The following PCDHA4 variants were observed in gnomAD, a reference collection of about 807,000 sequenced individuals.
PCDHA4 encodes protocadherin alpha 4, also known as protocadherin alpha-4.
In PCDHA4, 49 loss-of-function variants were observed where a neutral mutation model predicts 61.4. The ratio of observed to expected loss-of-function variants is 0.80; its 90% confidence interval spans 0.63 to 1.01. The LOEUF (loss-of-function observed/expected upper bound fraction) is 1.01, where lower values mean the gene tolerates loss of function less well. Ranked by LOEUF, PCDHA4 falls within the 50% of genes least tolerant of loss-of-function variation. The pLI is 0.00. For missense variants in PCDHA4, 1,254 were observed against 1,235.8 expected, an observed-to-expected ratio of 1.01 and a Z score of -0.22; for synonymous variants, 590 against 550.3, an observed-to-expected ratio of 1.07 and a Z score of -1.01.
chr5:140,809,198 GA>G lies in PCDHA4; in HGVS notation c.2012del (p.Glu671GlyfsTer30). ...ATATVLVSLV[E>X]SGQAPKASSR... ...GGCCACTGTGCTGGTGTCACTTGTG[GA>G]GAGTGGACAGGCGCCAAAGGCCTCC... On this transcript the variant is annotated frameshift_variant, in exon 1 of 4. Coordinates refer to ENST00000530339, the MANE Select transcript of PCDHA4 (RefSeq NM_018907.4). LOFTEE classifies it high-confidence loss of function. The G allele has an allele frequency of 6.2e-7, 1 of 1,614,074 alleles. No individual in the cohort carries two copies. Among genetic ancestry groups the G allele is most frequent in the Non-Finnish European group, 8.5e-7 (1 of 1,179,956 alleles).
In PCDHA4 at chr5:140,807,616, G is replaced by C. The variant is rs113425597; in HGVS notation, c.429G>C (p.Ala143=). The change falls in exon 1 of 4, where the codon GCG becomes GCC. Residue 143 remains alanine, a synonymous_variant. Coordinates refer to ENST00000530339, the MANE Select transcript of PCDHA4 (RefSeq NM_018907.4). ...CAACACAAAAGAACCTGTCCATCGC[G>C]GAATCCAGGCCGCTTGACTCTCGGT... The part of the protein sequence containing the change: ...FPATQKNLSI[A]ESRPLDSRFP... 3.0e-3 allele frequency: 4,880 copies of C among 1,614,130 alleles called. 118 individuals carry two copies. The African/African-American group carries it at 0.055, about 18-fold the overall frequency.
At chr5:140,850,240 T>A (rs2041453726) in intron 1 of PCDHA4, 1 of 1,593,332 alleles carries the variant, frequency 6.3e-7, no homozygotes, top group Non-Finnish European at 8.6e-7. Context: ...GAGATGGTGC[T>A]GCGGTCGGTG....
At position 140,947,028 on chromosome 5, in the gene PCDHA4, T is replaced by C. The variant is rs111523441; in HGVS notation, c.2386-31921T>C. Among the ~76,000 whole-genome samples the C allele has an allele frequency of 4.6e-3, 693 of 151,852 alleles. 1 individual carries two copies. Among genetic ancestry groups the C allele is most frequent in the Middle Eastern group, 6.8e-3 (2 of 294 alleles). ...AATGATAAATGTTTGAGGTAATGGA[T>C]ATACTAATTACCCTGATTTGATCAT... On this transcript the variant is annotated intron_variant, in intron 1 of 3. Transcript: ENST00000530339.
intron 1 of PCDHA4, chr5:140,854,282 G>C: frequency 1.9e-6 from 1 of 533,858 alleles, no homozygotes; most frequent in Non-Finnish European, 2.4e-6. Context: ...ATTGAGTTTA[G>C]TTTTTATTAT....
intron 1 of PCDHA4, among the ~76,000 whole-genome samples, chr5:140,935,971 C>A (rs1563151362): frequency 6.7e-6 from 1 of 149,774 alleles, no homozygotes; most frequent in African/African-American, 2.5e-5. Context: ...TGGCTCACTG[C>A]AATCTCTGCC....
At position 140,983,424 on chromosome 5, in the gene PCDHA4, A is replaced by G. The variant is rs115903969; in HGVS notation, c.2533+861A>G. On this transcript the variant is annotated intron_variant, in intron 3 of 3. Transcript: ENST00000530339. ...GGAAGATTAAGTGTTGGTAGAGACC[A>G]CAAATTGTGTCTACTCTAATCCTCT... Among the ~76,000 whole-genome samples, 1,234 of 152,366 alleles carry G rather than the reference A, an allele frequency of 8.1e-3. 22 individuals are homozygous for G. Among genetic ancestry groups the G allele is most frequent in the African/African-American group, 0.028 (1,160 of 41,578 alleles).
intron 1 of PCDHA4, chr5:140,883,167 G>A (rs781855278): frequency 6.2e-7 from 1 of 1,613,864 alleles, no homozygotes; most frequent in East Asian, 2.2e-5. Context: ...CCGAACAATG[G>A]AGAAATTAGG....
intron 3 of PCDHA4, among the ~76,000 whole-genome samples, chr5:141,007,375 A>G (rs2098319986): frequency 6.8e-6 from 1 of 146,418 alleles, no homozygotes; most frequent in Non-Finnish European, 1.5e-5. Context: ...ACATGATGGA[A>G]CACCATCTCT....
intron 3 of PCDHA4, among the ~76,000 whole-genome samples, chr5:140,983,987 C>T (rs1372272659): frequency 6.6e-6 from 1 of 152,126 alleles, no homozygotes; most frequent in East Asian, 1.9e-4. Context: ...CGAGTTGAAG[C>T]AATTCATTAG....
Position 140,929,423 on chromosome 5 carries a change from C to T in PCDHA4, c.2386-49526C>T, listed in dbSNP as rs1435902323. 4.7e-6 allele frequency: 7 copies of T among 1,499,372 alleles called. No homozygotes were observed. In the Admixed American group the frequency reaches 7.1e-5, roughly 15 times the overall value. The allele number at this position is 1,499,372 out of a possible 1,614,324, so 92.9% of individuals were successfully genotyped here. A position where few individuals can be genotyped will look rare whatever the true frequency, so the allele number is the denominator to read the frequency against. The stretch of plus-strand genomic sequence containing the variant: ...AGACAAGCCTTTCACAACATTTCAT[C>T]AATTGAACTAAACACTCCTTCTTAG... On this transcript the variant is annotated intron_variant, in intron 1 of 3. Transcript: ENST00000530339.
At chr5:140,829,199 G>C (rs1416881170) in intron 1 of PCDHA4, 1 of 1,614,038 alleles carries the variant, frequency 6.2e-7, no homozygotes, top group East Asian at 2.2e-5. Context: ...TACTGTCATC[G>C]CCCTAATTAG....
chr5:140,961,920 G>A (rs2095643236), intron 1 of PCDHA4, among the ~76,000 whole-genome samples: 1 of 147,904 alleles, frequency 6.8e-6, no homozygotes, highest in South Asian at 2.1e-4. Context: ...GTCTCGCTCT[G>A]TTGCCCAGGC....
intron 1 of PCDHA4, chr5:140,863,519 A>G (rs1309854310): frequency 7.5e-6 from 3 of 400,164 alleles, no homozygotes; most frequent in Non-Finnish European, 1.5e-5. Context: ...GTGTTCTCCC[A>G]TGGTTCAGAT....
intron 3 of PCDHA4, among the ~76,000 whole-genome samples, chr5:140,990,589 C>G (rs1208213426): frequency 6.6e-6 from 1 of 152,196 alleles, no homozygotes; most frequent in African/African-American, 2.4e-5. Flanking sequence ...TTCCTATAAT[C>G]ACCTGGAGTC....
intron 1 of PCDHA4, among the ~76,000 whole-genome samples, chr5:140,901,201 G>A (rs2068505084): frequency 6.6e-6 from 1 of 152,038 alleles, no homozygotes; most frequent in Admixed American, 6.6e-5. Context: ...CTGTGCAGAA[G>A]GTTTTTAAGT....
Position 140,844,332 on chromosome 5 carries a change from G to C in PCDHA4, c.2385+34760G>C, listed in dbSNP as rs2150370679. On this transcript the variant is annotated intron_variant, in intron 1 of 3. Coordinates refer to ENST00000530339, the MANE Select transcript of PCDHA4 (RefSeq NM_018907.4). ...TTCTTCCTAATTTTATTATAAACTA[G>C]TTAAAAAGTAAAATCAAGAGGGAAG... Among the ~76,000 whole-genome samples the C allele has an allele frequency of 8.0e-5, 12 of 149,222 alleles. 2 individuals carry two copies. The highest frequency in any genetic ancestry group is 1.8e-4 in the Non-Finnish European group (12 of 66,748).
chr5:140,985,739 CTTTTTTT>C (rs11372071), intron 3 of PCDHA4, among the ~76,000 whole-genome samples: 2 of 117,922 alleles, frequency 1.7e-5, no homozygotes, highest in African/African-American at 6.4e-5. Flanking sequence ...TGATGAATTC[CTTTTTTT>C]TTTTTTTTTT....
chr5:140,990,562 C>T (rs2097400496), intron 3 of PCDHA4, among the ~76,000 whole-genome samples: 1 of 152,210 alleles, frequency 6.6e-6, no homozygotes, highest in Non-Finnish European at 1.5e-5. Context: ...CAAGAACACA[C>T]ACCTGTTCGA....
chr5:140,973,782 C>T lies in PCDHA4; in HGVS notation c.2386-5167C>T, dbSNP rs533593200. ...CACAGCCTGGCATATTATAGGTTGCCTATTGGCATGCTGTCTACTTGACAG... is the reference window on the plus strand; with the variant it reads ...CACAGCCTGGCATATTATAGGTTGCTTATTGGCATGCTGTCTACTTGACAG... On this transcript the variant is annotated intron_variant, in intron 1 of 3. Transcript: ENST00000530339. 1.5e-3 allele frequency among the ~76,000 whole-genome samples: 225 copies of T among 152,326 alleles called. 1 individual carries two copies. Among genetic ancestry groups the T allele is most frequent in the African/African-American group, 5.2e-3 (216 of 41,582 alleles).
Sources: allele counts gnomAD v4.1 joint callset (sites outside exome capture counted in the v4.1 genomes callset), GRCh38; gene constraint gnomAD v4.1.1; transcripts MANE v1.5; gene names NCBI Gene and HGNC (gene_info 2026-07-23, HGNC 2026-07-21).